CCDC14: variants seen among roughly 807,000 people sequenced by gnomAD.
The protein encoded by CCDC14 is coiled-coil domain containing 14.
In CCDC14, 71 loss-of-function variants were observed where a neutral mutation model predicts 81.4. The observed-to-expected ratio is 0.87, with a 90% CI of 0.72 to 1.06. The LOEUF is 1.06. CCDC14 is among the 50% of genes least tolerant of loss of function. The probability of loss-of-function intolerance (pLI) is 0.00; values close to 1 mark genes in which losing one functional copy is unlikely to be tolerated. For missense variants in CCDC14, 1,046 were observed against 1,047.3 expected, an observed-to-expected ratio of 1.00 and a Z score of 0.02; for synonymous variants, 332 against 364.8, an observed-to-expected ratio of 0.91 and a Z score of 1.03.
intron 12 of CCDC14, among the ~76,000 whole-genome samples, chr3:123,925,761 C>T (rs775119148): frequency 6.6e-6 from 1 of 152,018 alleles, no homozygotes; most frequent in African/African-American, 2.4e-5. Flanking sequence ...TAATAATAAT[C>T]CAACATTGCT....
At chr3:123,945,108 C>T in intron 8 of CCDC14, 118 bp from the exon 9 acceptor site, 2 of 523,988 alleles carry the variant, frequency 3.8e-6, no homozygotes, top group Non-Finnish European at 6.1e-6. Flanking sequence ...ATAAATTCAA[C>T]TCAATTATTT....
At position 123,947,223 on chromosome 3, in the gene CCDC14, G is replaced by C; in HGVS notation, c.781C>G (p.Pro261Ala). Residue 261 changes from proline (P) to alanine (A), a missense_variant, in exon 8 of 13, where the codon CCT becomes GCT. By Grantham distance (27) the Pro-to-Ala change is conservative. Transcript: ENST00000409697. ...DVLRNSFNTS[P>A]GVPCSLPKTD... Reference sequence around the variant, plus strand: ...TTGGGCAGGCTACATGGAACTCCAGGACTGGTATTAAATGAATTCCGTAGA... The same window carrying C: ...TTGGGCAGGCTACATGGAACTCCAGCACTGGTATTAAATGAATTCCGTAGA... The C allele has an allele frequency of 6.2e-7, 1 of 1,613,870 alleles. No individual in the cohort carries two copies. Among genetic ancestry groups the C allele is most frequent in the East Asian group, 2.2e-5 (1 of 44,876 alleles).
chr3:123,960,288 A>C (rs1284205588), intron 1 of CCDC14, among the ~76,000 whole-genome samples: 1 of 152,226 alleles, frequency 6.6e-6, no homozygotes, highest in Non-Finnish European at 1.5e-5. Flanking sequence ...AAGGTCTTTC[A>C]TTTTCACTTA....
the CCDC14 span, among the ~76,000 whole-genome samples, chr3:123,891,808 A>C: frequency 0.14 from 20,702 of 152,016 alleles, 2,366 homozygotes; most frequent in East Asian, 0.36. Context: ...TCTTTTCAGC[A>C]GCACCCCACT....
At chr3:123,939,982 C>T (rs1374691826) in intron 9 of CCDC14, among the ~76,000 whole-genome samples, 1 of 151,618 alleles carries the variant, frequency 6.6e-6, no homozygotes, top group Non-Finnish European at 1.5e-5. Context: ...CTGAAATGTA[C>T]ACTTACAAAT....
chr3:123,911,233 T>C (rs1257449078), downstream of CCDC14, among the ~76,000 whole-genome samples: 2 of 152,178 alleles, frequency 1.3e-5, no homozygotes, highest in African/African-American at 4.8e-5. Flanking sequence ...TCTCTGGTAA[T>C]TCTATGGGAG....
Position 123,915,729 on chromosome 3 carries a change from G to T in CCDC14, c.1779-11C>A. ...CTAGTCTGTAAAGTTCTGTTAAGAA[G>T]AATCCAGAACACTAATTATTATTTT... On this transcript the variant is annotated splice_polypyrimidine_tract_variant and intron_variant, in intron 12 of 12. Transcript: ENST00000409697. 1 of 1,568,508 alleles carries T rather than the reference G, an allele frequency of 6.4e-7. No homozygotes were observed. Among genetic ancestry groups the T allele is most frequent in the Non-Finnish European group, 8.7e-7 (1 of 1,153,646 alleles).
chr3:123,960,243 T>C lies in CCDC14; in HGVS notation c.30+901A>G, dbSNP rs755724264. Among the ~76,000 whole-genome samples, 56 of 152,246 alleles carry C rather than the reference T, an allele frequency of 3.7e-4. 1 individual carries two copies. The highest frequency in any genetic ancestry group is 2.3e-3 in the Admixed American group (35 of 15,276). On this transcript the variant is annotated intron_variant, in intron 1 of 12. Coordinates refer to ENST00000409697, the MANE Select transcript of CCDC14 (RefSeq NM_001366335.1). ...ATATCTCCTACCAACAAGTACAAGA[T>C]AATACTGCCTTTGTAGAATGACTTA...
downstream of CCDC14, among the ~76,000 whole-genome samples, chr3:123,911,978 G>A (rs1054038524): frequency 6.6e-6 from 1 of 152,100 alleles, no homozygotes; most frequent in African/African-American, 2.4e-5. Flanking sequence ...AAGAACATGT[G>A]GTAAGTACTT....
chr3:123,938,121 T>C (rs931042293), intron 9 of CCDC14, among the ~76,000 whole-genome samples: 5 of 151,836 alleles, frequency 3.3e-5, no homozygotes, highest in Non-Finnish European at 5.9e-5. Flanking sequence ...TTTAGAGTCT[T>C]CAAATTTCCA....
Position 123,949,059 on chromosome 3 carries a change from C to T in CCDC14, c.426G>A (p.Glu142=), listed in dbSNP as rs896720312. 5.6e-6 allele frequency: 9 copies of T among 1,613,206 alleles called. No individual in the cohort carries two copies. The highest frequency in any genetic ancestry group is 1.7e-5 in the Admixed American group (1 of 59,924). ...ARSERDTSDL[E]QNWSLQDHYR... ...AATGATCTTGCAATGACCAGTTTTG[C>T]TCTAGGTCTGATGTGTCTCTTTCAC... The change falls in exon 6 of 13, where the codon GAG becomes GAA. Residue 142 remains glutamate, a synonymous_variant. Coordinates refer to ENST00000409697, the MANE Select transcript of CCDC14 (RefSeq NM_001366335.1).
chr3:123,947,278 A>G lies in CCDC14; in HGVS notation c.726T>C (p.Gly242=). ...TDGNSQFASQ[G]KTVSATCTDV... is the part of the protein sequence containing the mutation. Reference sequence around the variant, plus strand: ...CAGTACAGGTTGCAGAAACTGTTTTACCTTGTGATGCAAACTGACTGTTGC... The same window carrying G: ...CAGTACAGGTTGCAGAAACTGTTTTGCCTTGTGATGCAAACTGACTGTTGC... Residue 242 remains glycine, a synonymous_variant, in exon 8 of 13, where the codon GGT becomes GGC. Transcript: ENST00000409697. 6.2e-7 allele frequency: 1 copy of G among 1,613,082 alleles called. No individual in the cohort carries two copies. Among genetic ancestry groups the G allele is most frequent in the Non-Finnish European group, 8.5e-7 (1 of 1,179,198 alleles).
rs745357130 is a variant in CCDC14 at position 123,915,536 on chromosome 3, CTG to C, written c.1959_1960del (p.Tyr653Ter). The C allele has an allele frequency of 1.2e-6, 2 of 1,613,944 alleles. No individual in the cohort carries two copies. The highest frequency in any genetic ancestry group is 4.5e-5 in the East Asian group (2 of 44,864). On this transcript the variant is annotated stop_gained and frameshift_variant, in exon 13 of 13. Transcript: ENST00000409697. LOFTEE classifies it low-confidence loss of function (END_TRUNC). ...AGAAAGTGGCTCTGAATGTGTAAAA[CTG>C]TAATTTGTTTCTAACTTATTTAGAT...
downstream of CCDC14, among the ~76,000 whole-genome samples, chr3:123,913,220 TGAA>T: frequency 6.6e-6 from 1 of 152,338 alleles, no homozygotes; most frequent in Middle Eastern, 3.4e-3. Flanking sequence ...TGAAGGTCCC[TGAA>T]GAAATTTCTA....
rs568118436 is a variant in CCDC14, at chr3:123,898,737, G to C, written c.668-1124C>G. 3.3e-5 allele frequency among the ~76,000 whole-genome samples: 5 copies of C among 152,318 alleles called. No individual in the cohort carries two copies. The South Asian group carries it at 1.0e-3, about 32-fold the overall frequency. ...GGGTCTTGCTCTGTCACCCAGACTA[G>C]AGTGCAGCGGCACAATCTTGGCTCA... On this transcript the variant is annotated intron_variant, in intron 5 of 5. Transcript: ENST00000479903.
At chr3:123,907,719 T>TA (rs796741745) in intron 5 of CCDC14, among the ~76,000 whole-genome samples, 6,122 of 143,266 alleles carry the variant, frequency 0.043, 395 homozygotes, top group African/African-American at 0.14. Flanking sequence ...AAAAATATAA[T>TA]AAAAAAAAAA....
At chr3:123,944,806 C>T in intron 9 of CCDC14, 43 bp downstream of exon 9, 1 of 1,552,754 alleles carries the variant, frequency 6.4e-7, no homozygotes, top group Non-Finnish European at 8.8e-7. Context: ...GGCCAGGAGA[C>T]ATCTTTGCAT....
chr3:123,930,801 C>T (rs1486378753), intron 12 of CCDC14: 3 of 236,786 alleles, frequency 1.3e-5, no homozygotes, highest in Non-Finnish European at 2.4e-5. Flanking sequence ...GCTGGGATTC[C>T]AGTCAGATCT....
At chr3:123,934,270 CAA>C (rs61094944) in intron 9 of CCDC14, among the ~76,000 whole-genome samples, 4 of 52,274 alleles carry the variant, frequency 7.7e-5, no homozygotes, top group African/African-American at 2.5e-4. Flanking sequence ...GACTCTGCCT[CAA>C]AAAAAAAAAA....
Sources: allele counts gnomAD v4.1 joint callset (sites outside exome capture counted in the v4.1 genomes callset), GRCh38; gene constraint gnomAD v4.1.1; transcripts MANE v1.5; gene names NCBI Gene and HGNC (gene_info 2026-07-23, HGNC 2026-07-21).